PIGB: variants seen among roughly 807,000 people sequenced by gnomAD.
The protein encoded by PIGB is phosphatidylinositol glycan anchor biosynthesis class B, also known as GPI alpha-1,2-mannosyltransferase 3.
PIGB carries 58 observed loss-of-function variants against 68.4 expected under a neutral mutation model. The ratio of observed to expected loss-of-function variants is 0.85; its 90% confidence interval spans 0.69 to 1.06. The LOEUF (loss-of-function observed/expected upper bound fraction) is 1.06, where lower values mean the gene tolerates loss of function less well. Ranked by LOEUF, PIGB falls within the 50% of genes least tolerant of loss-of-function variation. PIGB has a pLI of 0.00. For synonymous variants in PIGB, 219 were observed against 220.5 expected (o/e 0.99, Z 0.06); for missense variants, 634 against 655.8 (o/e 0.97, Z 0.36).
At chr15:55,348,708 G>A (rs1018192443) in intron 9 of PIGB, among the ~76,000 whole-genome samples, 1 of 152,122 alleles carries the variant, frequency 6.6e-6, no homozygotes, top group Non-Finnish European at 1.5e-5. Context: ...CCTCACCAGT[G>A]GATGCTTCTT....
Position 55,340,786 on chromosome 15 carries a change from C to T in PIGB, c.1021C>T (p.Leu341Phe). 6.2e-7 allele frequency: 1 copy of T among 1,609,840 alleles called. No individual in the cohort carries two copies. The highest frequency in any genetic ancestry group is 1.3e-5 in the African/African-American group (1 of 74,986). ...TCTAGCACCAAAGAGATACCGGATA[C>T]TTTTGGTGACTGTGCTGTGGACACT... The part of the protein sequence containing the change: ...CYLAPKRYRI[L>F]LVTVLWTLLV... The change falls in exon 8 of 12, where the codon CTT (leucine) becomes TTT (phenylalanine). Residue 341 changes from leucine to phenylalanine, a missense_variant. Transcript: ENST00000164305.
chr15:55,339,465 T>A, intron 7 of PIGB, 147 bp downstream of exon 7: 2 of 598,090 alleles, frequency 3.3e-6, no homozygotes, highest in South Asian at 4.3e-5. Context: ...TTCAATTTGT[T>A]GTGCTTTCTA....
At chr15:55,326,361 G>A (rs531770393) in intron 3 of PIGB, among the ~76,000 whole-genome samples, 1 of 152,078 alleles carries the variant, frequency 6.6e-6, no homozygotes, top group East Asian at 1.9e-4. Context: ...TTATAATGCC[G>A]GCTTTCATAC....
At chr15:55,339,235 ATGTGAATCACT>A in intron 6 of PIGB, 21 bp from the exon 7 acceptor site, 1 of 1,500,928 alleles carries the variant, frequency 6.7e-7, no homozygotes, top group Non-Finnish European at 9.1e-7. Context: ...CAAGCTCCAA[ATGTGAATCACT>A]ATGCTATTTT....
Position 55,355,288 on chromosome 15 carries a change from A to G in PIGB, c.1521A>G (p.Glu507=). Residue 507 remains glutamate, a splice_region_variant and synonymous_variant, in exon 12 of 12, where the codon GAA becomes GAG. Coordinates refer to ENST00000164305, the MANE Select transcript of PIGB (RefSeq NM_004855.5). The part of the protein sequence containing the change: ...HLITFSILEE[E]ISAFLISSNY... ...CTTAAACATTTATTTGCTTCTAGGA[A>G]ATAAGCGCTTTCCTAATTTCAAGCA... The G allele has an allele frequency of 6.2e-7, 1 of 1,604,874 alleles. No individual in the cohort carries two copies. The highest frequency in any genetic ancestry group is 8.5e-7 in the Non-Finnish European group (1 of 1,174,764).
chr15:55,340,624 C>T lies in PIGB; in HGVS notation c.859C>T (p.Gln287Ter). ...TCAACGGTGCCAGTGGACTCTGGTTCAATTTAATTTTTTGAAATTTAACGT... is the reference window on the plus strand; with the variant it reads ...TCAACGGTGCCAGTGGACTCTGGTTTAATTTAATTTTTTGAAATTTAACGT... Reference protein sequence around the residue: ...RIFFGQWTLVQFNFLKFNVLQ... With the variant: ...RIFFGQWTLV The change falls in exon 8 of 12, where the codon CAA becomes TAA. Residue 287 changes from glutamine to a stop codon, truncating the protein, a stop_gained. Transcript: ENST00000164305. LOFTEE classifies it high-confidence loss of function. 1 of 1,609,406 alleles carries T rather than the reference C, an allele frequency of 6.2e-7. No homozygotes were observed. Among genetic ancestry groups the T allele is most frequent in the South Asian group, 1.1e-5 (1 of 90,196 alleles).
chr15:55,347,403 G>C (rs1442369591), intron 9 of PIGB, among the ~76,000 whole-genome samples: 1 of 152,228 alleles, frequency 6.6e-6, no homozygotes, highest in Admixed American at 6.5e-5. Flanking sequence ...ACTCCCGCCT[G>C]GGCGAAAGAG....
At chr15:55,321,902 C>A (rs1419258467) in intron 3 of PIGB, among the ~76,000 whole-genome samples, 1 of 141,372 alleles carries the variant, frequency 7.1e-6, no homozygotes. Flanking sequence ...TCTGCCCGTG[C>A]GGTGGCTCAC....
intron 3 of PIGB, among the ~76,000 whole-genome samples, chr15:55,327,228 A>G (rs4774763): frequency 7.7e-6 from 1 of 130,280 alleles, no homozygotes; most frequent in Non-Finnish European, 1.7e-5. Flanking sequence ...AAATATATAT[A>G]TTTATATTTA....
At position 55,344,221 on chromosome 15, in the gene PIGB, C is replaced by T. The variant is rs1326888021; in HGVS notation, c.1123+2419C>T. Reference sequence around the variant, plus strand: ...GGGCAGTTCTCATCTCCACTGAGCTCACTTACACAGCTGCAGATTGGGTAG... The same window carrying T: ...GGGCAGTTCTCATCTCCACTGAGCTTACTTACACAGCTGCAGATTGGGTAG... On this transcript the variant is annotated intron_variant, in intron 9 of 11. Coordinates refer to ENST00000164305, the MANE Select transcript of PIGB (RefSeq NM_004855.5). Among the ~76,000 whole-genome samples, 8 of 152,362 alleles carry T rather than the reference C, an allele frequency of 5.3e-5. No individual in the cohort carries two copies. In the East Asian group the frequency reaches 1.5e-3, roughly 29 times the overall value.
At chr15:55,327,983 T>G (rs1313564668) in intron 4 of PIGB, among the ~76,000 whole-genome samples, 1 of 152,212 alleles carries the variant, frequency 6.6e-6, no homozygotes, top group African/African-American at 2.4e-5. Context: ...CAAAGCATCT[T>G]AGCTATTTAC....
rs74625057 is a variant in PIGB at position 55,322,733 on chromosome 15, G to A, written c.417+1343G>A. Among the ~76,000 whole-genome samples, 5 of 152,250 alleles carry A rather than the reference G, an allele frequency of 3.3e-5. No homozygotes were observed. The East Asian group carries it at 9.6e-4, about 29-fold the overall frequency. On this transcript the variant is annotated intron_variant, in intron 3 of 11. Transcript: ENST00000164305. Reference sequence around the variant, plus strand: ...AACCAGTGAAACCGATGCTTCAAATGGGAAGATGATGGGGAAGGAGAATTC... The same window carrying A: ...AACCAGTGAAACCGATGCTTCAAATAGGAAGATGATGGGGAAGGAGAATTC...
At position 55,340,660 on chromosome 15, in the gene PIGB, TG is replaced by T; in HGVS notation, c.899del (p.Gly300GlufsTer34). 2 of 1,613,070 alleles carry T rather than the reference TG, an allele frequency of 1.2e-6. No individual in the cohort carries two copies. Among genetic ancestry groups the T allele is most frequent in the Non-Finnish European group, 1.7e-6 (2 of 1,179,528 alleles). ...TTTGAAATTTAACGTGCTGCAGAACTGGGGAACATTTTATGGTTCTCATCCA... is the reference window on the plus strand; with the variant it reads ...TTTGAAATTTAACGTGCTGCAGAACTGGGAACATTTTATGGTTCTCATCCA... ...NFLKFNVLQN[W>X]GTFYGSHPWH... On this transcript the variant is annotated frameshift_variant, in exon 8 of 12. Coordinates refer to ENST00000164305, the MANE Select transcript of PIGB (RefSeq NM_004855.5). LOFTEE classifies it high-confidence loss of function.
At chr15:55,350,612 A>C in intron 9 of PIGB, 87 bp from the exon 10 acceptor site, 1 of 819,004 alleles carries the variant, frequency 1.2e-6, no homozygotes. Context: ...AGTTTTTGCT[A>C]TTTCCATTAA....
At chr15:55,328,154 T>C (rs1372716221) in intron 4 of PIGB, among the ~76,000 whole-genome samples, 1 of 152,258 alleles carries the variant, frequency 6.6e-6, no homozygotes, top group African/African-American at 2.4e-5. Flanking sequence ...GTGCAATTAC[T>C]GGACTCATGT....
At position 55,319,315 on chromosome 15, in the gene PIGB, A is replaced by G. The variant is rs777228976; in HGVS notation, c.65A>G (p.His22Arg). The change falls in exon 1 of 12, where the codon CAT becomes CGT. Residue 22 changes from histidine (H) to arginine (R), a missense_variant. Coordinates refer to ENST00000164305, the MANE Select transcript of PIGB (RefSeq NM_004855.5). ...PGGGDASLTL[H>R]GLQNRSHGKI... ...GGCGGAGATGCCAGCCTCACTTTGC[A>G]TGGTCTCCAGAACCGCTCCCACGGC... 1.9e-6 allele frequency: 3 copies of G among 1,599,690 alleles called. No individual in the cohort carries two copies. The highest frequency in any genetic ancestry group is 3.5e-5 in the Admixed American group (2 of 57,760).
At position 55,334,078 on chromosome 15, in the gene PIGB, A is replaced by G. The variant is rs1356512946; in HGVS notation, c.794+71A>G. ...TCACAGATTACGAACAAGATTTTACATCTTTCAGTTAATTATTTTATCTTC... is the reference window on the plus strand; with the variant it reads ...TCACAGATTACGAACAAGATTTTACGTCTTTCAGTTAATTATTTTATCTTC... On this transcript the variant is annotated intron_variant, in intron 6 of 11. Coordinates refer to ENST00000164305, the MANE Select transcript of PIGB (RefSeq NM_004855.5). 7.2e-6 allele frequency: 8 copies of G among 1,110,566 alleles called. No individual in the cohort carries two copies. The African/African-American group carries it at 1.1e-4, about 16-fold the overall frequency. The allele number at this position is 1,110,566 out of a possible 1,614,324, so 68.8% of individuals were successfully genotyped here. A position where few individuals can be genotyped will look rare whatever the true frequency, so the allele number is the denominator to read the frequency against.
At chr15:55,349,518 T>C (rs1451961779) in intron 9 of PIGB, 1 of 152,212 alleles carries the variant, frequency 6.6e-6, no homozygotes, top group Non-Finnish European at 1.5e-5. Flanking sequence ...CTTATAAATG[T>C]AGATTTAAGT....
intron 3 of PIGB, among the ~76,000 whole-genome samples, chr15:55,323,546 A>C (rs967290321): frequency 6.6e-6 from 1 of 152,242 alleles, no homozygotes; most frequent in African/African-American, 2.4e-5. Context: ...GAAGACTTCA[A>C]ATGTGGCTAG....
Sources: allele counts gnomAD v4.1 joint callset (sites outside exome capture counted in the v4.1 genomes callset), GRCh38; gene constraint gnomAD v4.1.1; transcripts MANE v1.5; gene names NCBI Gene and HGNC (gene_info 2026-07-23, HGNC 2026-07-21).